The following PTPN20 variants were observed in gnomAD, a reference collection of about 807,000 sequenced individuals.
PTPN20 encodes protein tyrosine phosphatase non-receptor type 20, also known as tyrosine-protein phosphatase non-receptor type 20.
PTPN20 carries 9 observed loss-of-function variants against 35.0 expected under a neutral mutation model. The ratio of observed to expected loss-of-function variants is 0.26; its 90% CI spans 0.15 to 0.45. PTPN20 has a LOEUF of 0.45. Ranked by LOEUF, PTPN20 falls within the 20% of genes least tolerant of loss-of-function variation. The probability of loss-of-function intolerance (pLI) is 1.00; values close to 1 mark genes in which losing one functional copy is unlikely to be tolerated. For missense variants in PTPN20, 111 were observed against 312.5 expected, an observed-to-expected ratio of 0.36 and a Z score of 4.86; for synonymous variants, 32 against 100.2, an observed-to-expected ratio of 0.32 and a Z score of 4.06.
intron 9 of PTPN20, among the ~76,000 whole-genome samples, chr10:46,998,308 A>G (rs1377958310): frequency 6.6e-6 from 1 of 152,306 alleles, no homozygotes; most frequent in South Asian, 2.1e-4. Flanking sequence ...AAGGAAGCAA[A>G]CTATTGTTAC....
chr10:46,949,127 G>A (rs1408147153), intron 5 of PTPN20, among the ~76,000 whole-genome samples: 1 of 151,968 alleles, frequency 6.6e-6, no homozygotes, highest in Non-Finnish European at 1.5e-5. Context: ...GGAGAAATAG[G>A]TCTAAGTGGG....
At position 46,931,547 on chromosome 10, in the gene PTPN20, C is replaced by T. The variant is rs1324862187; in HGVS notation, c.-123-830C>T. Among the ~76,000 whole-genome samples the T allele has an allele frequency of 9.9e-5, 14 of 142,048 alleles. 4 individuals carry two copies. Among genetic ancestry groups the T allele is most frequent in the African/African-American group, 4.2e-4 (14 of 33,712 alleles). The allele number at this position is 142,048 out of a possible 152,430, so 93.2% of individuals were successfully genotyped here. A position where few individuals can be genotyped will look rare whatever the true frequency, so the allele number is the denominator to read the frequency against. ...AGTAGCTGGGACCACAGGTGTGTGC[C>T]ACCACACCCGTCTAATTTTTGTAGA... On this transcript the variant is annotated intron_variant, in intron 1 of 10. Transcript: ENST00000374339.
At chr10:46,939,716 T>A (rs2042837312) in intron 2 of PTPN20, among the ~76,000 whole-genome samples, 1 of 151,700 alleles carries the variant, frequency 6.6e-6, no homozygotes, top group Non-Finnish European at 1.5e-5. Flanking sequence ...TTTAAACCTA[T>A]ACATTTTCCC....
At chr10:46,977,527 G>A (rs1209271016) in intron 7 of PTPN20, among the ~76,000 whole-genome samples, 703 of 151,018 alleles carry the variant, frequency 4.7e-3, no homozygotes, top group African/African-American at 0.016. Flanking sequence ...TAATGTGACA[G>A]TAGAGATATG....
rs1267191636 is a variant in PTPN20 at position 46,947,650 on chromosome 10, C to G, written c.340+975C>G. ...TATTTTTTTATAGTTAACCCTTTAC[C>G]CTACCACCGGTGCCTAGCAACCAGT... On this transcript the variant is annotated intron_variant, in intron 5 of 10. Transcript: ENST00000374339. Among the ~76,000 whole-genome samples, 3 of 151,572 alleles carry G rather than the reference C, an allele frequency of 2.0e-5. No individual in the cohort carries two copies. The East Asian group carries it at 5.9e-4, about 30-fold the overall frequency.
intron 7 of PTPN20, among the ~76,000 whole-genome samples, chr10:46,977,134 T>C (rs1471469798): frequency 1.3e-5 from 2 of 152,282 alleles, no homozygotes; most frequent in Non-Finnish European, 2.9e-5. Context: ...GTGGGCCTTA[T>C]TCAGTCAGTT....
At chr10:46,925,779 A>C (rs1373495932) in intron 1 of PTPN20, among the ~76,000 whole-genome samples, 2 of 151,786 alleles carry the variant, frequency 1.3e-5, no homozygotes, top group African/African-American at 4.9e-5. Context: ...TTTTAAAGAG[A>C]AAGTTTATGG....
chr10:46,920,578 C>T (rs1318970595), intron 1 of PTPN20, among the ~76,000 whole-genome samples: 3 of 144,998 alleles, frequency 2.1e-5, no homozygotes, highest in Non-Finnish European at 3.0e-5. Flanking sequence ...ATGAAGCTCC[C>T]CAGAGTTTCT....
intron 2 of PTPN20, among the ~76,000 whole-genome samples, chr10:46,937,266 C>A (rs1440743000): frequency 6.8e-6 from 1 of 146,388 alleles, no homozygotes; most frequent in African/African-American, 2.6e-5. Context: ...TCATTCTTAT[C>A]TTTGTTTTTC....
chr10:46,999,225 A>G (rs1590060227), intron 9 of PTPN20, among the ~76,000 whole-genome samples: 1 of 152,212 alleles, frequency 6.6e-6, no homozygotes, highest in African/African-American at 2.4e-5. Flanking sequence ...GACAACATTT[A>G]CATGTGTCCA....
At chr10:47,003,241 C>G (rs905584760), downstream of PTPN20, among the ~76,000 whole-genome samples, 1 of 152,052 alleles carries the variant, frequency 6.6e-6, no homozygotes, top group Middle Eastern at 3.4e-3. Context: ...GAAACTTGAA[C>G]GTGATAACAT....
downstream of PTPN20, among the ~76,000 whole-genome samples, chr10:47,003,294 C>T (rs1225545039): frequency 1.7e-5 from 2 of 118,748 alleles, no homozygotes; most frequent in East Asian, 2.6e-4. Context: ...AGGTGAAAAA[C>T]AGAGCCCCCC....
intron 5 of PTPN20, 21 bp downstream of exon 5, chr10:46,946,696 T>TTG: frequency 1.3e-6 from 2 of 1,555,940 alleles, no homozygotes; most frequent in South Asian, 2.3e-5. Context: ...ATCCTATTTG[T>TTG]AGTAGCAAGT....
chr10:46,935,155 C>CT (rs1401524275), intron 2 of PTPN20, among the ~76,000 whole-genome samples: 4 of 148,506 alleles, frequency 2.7e-5, no homozygotes, highest in African/African-American at 1.0e-4. Context: ...TTATTTTAGG[C>CT]TTGGGGGTAC....
rs1190836804 is a variant in PTPN20 at position 47,001,658 on chromosome 10, G to GC, written c.*917_*918insC. On this transcript the variant is annotated 3_prime_UTR_variant, in exon 11 of 11. Coordinates refer to ENST00000374339, the MANE Select transcript of PTPN20 (RefSeq NM_001042357.5). ...ATTTTTCAAACTAAGATCTATGATA[G>GC]TTTTTTTTCCAGAGTTCCATTAAAT... The GC allele has an allele frequency of 6.6e-6, 1 of 151,750 alleles. No individual in the cohort carries two copies. The highest frequency in any genetic ancestry group is 1.5e-5 in the Non-Finnish European group (1 of 67,902). 9.4% of individuals were successfully genotyped at this position (151,750 alleles called of 1,614,324 possible).
At chr10:46,997,166 C>T (rs1417818217) in intron 9 of PTPN20, among the ~76,000 whole-genome samples, 1 of 152,138 alleles carries the variant, frequency 6.6e-6, no homozygotes, top group Non-Finnish European at 1.5e-5. Context: ...TTGTCATTTT[C>T]AGTGTATAGA....
At chr10:47,002,805 G>C (rs934590596), downstream of PTPN20, among the ~76,000 whole-genome samples, 52 of 151,842 alleles carry the variant, frequency 3.4e-4, no homozygotes, top group African/African-American at 1.2e-3. Flanking sequence ...CCATATTAGA[G>C]TTAGTAATTT....
At position 46,953,395 on chromosome 10, in the gene PTPN20, C is replaced by CT. The variant is rs200486720; in HGVS notation, c.340+6729dup. Among the ~76,000 whole-genome samples, 461 of 100,008 alleles carry CT rather than the reference C, an allele frequency of 4.6e-3. 38 individuals are homozygous for CT. The highest frequency in any genetic ancestry group is 0.019 in the African/African-American group (424 of 21,746). The allele number at this position is 100,008 out of a possible 152,430, so 65.6% of individuals were successfully genotyped here. On this transcript the variant is annotated intron_variant, in intron 5 of 10. Transcript: ENST00000374339. ...TCTTTCTTTCTTTCTTTCTTTCTTTCTTTTTTTTTGACTTACTAACTTATT... is the reference window on the plus strand; with the variant it reads ...TCTTTCTTTCTTTCTTTCTTTCTTTCTTTTTTTTTTGACTTACTAACTTATT...
In PTPN20 at chr10:46,941,789, A is replaced by G. The variant is rs1435674514; in HGVS notation, c.129+1072A>G. Among the ~76,000 whole-genome samples, 13 of 141,398 alleles carry G rather than the reference A, an allele frequency of 9.2e-5. No individual in the cohort carries two copies. In the East Asian group the frequency reaches 1.6e-3, roughly 17 times the overall value. The allele number at this position is 141,398 out of a possible 152,430, so 92.8% of individuals were successfully genotyped here. A position where few individuals can be genotyped will look rare whatever the true frequency, so the allele number is the denominator to read the frequency against. On this transcript the variant is annotated intron_variant, in intron 3 of 10. Transcript: ENST00000374339. ...ATGCTTTAAAGTTTCCTTTCATAAA[A>G]AAGGATCTTAGAACATTCCTGGATG...
Sources: gnomAD v4.1 joint callset for allele counts (sites outside exome capture counted in the v4.1 genomes callset) on GRCh38, gnomAD v4.1.1 for gene constraint, MANE v1.5 for transcripts, NCBI Gene and HGNC (gene_info 2026-07-23, HGNC 2026-07-21) for gene names.